The following BMPR2 variants were observed in gnomAD, a reference collection of about 807,000 sequenced individuals.
BMPR2 encodes bone morphogenetic protein receptor type-2.
Under a neutral mutation model 100.8 loss-of-function variants are expected in BMPR2, and 29 were observed. That is an observed-to-expected ratio of 0.29 (90% CI 0.21 to 0.39). BMPR2 has a LOEUF of 0.39. Among genes scored for constraint, BMPR2 ranks in the 10% least tolerant of loss-of-function variants. The probability of loss-of-function intolerance (pLI) is 1.00; values close to 1 mark genes in which losing one functional copy is unlikely to be tolerated. For missense variants in BMPR2, 1,011 were observed against 1,274.5 expected, an observed-to-expected ratio of 0.79 and a Z score of 3.15; for synonymous variants, 382 against 442.3, an observed-to-expected ratio of 0.86 and a Z score of 1.71.
intron 1 of BMPR2, among the ~76,000 whole-genome samples, chr2:202,409,866 C>T (rs554350943): frequency 7.9e-4 from 120 of 152,136 alleles, no homozygotes; most frequent in Non-Finnish European, 1.6e-3. Flanking sequence ...TAACAGTAAA[C>T]AAATTAGAAA....
chr2:202,544,754 T>C (rs889727424), intron 10 of BMPR2, among the ~76,000 whole-genome samples: 2 of 132,188 alleles, frequency 1.5e-5, no homozygotes, highest in South Asian at 4.9e-4. Context: ...CTTTTTTCTT[T>C]TTCTTTCTTT....
chr2:202,420,015 A>G (rs1335672705), intron 1 of BMPR2, among the ~76,000 whole-genome samples: 2 of 152,100 alleles, frequency 1.3e-5, no homozygotes, highest in Admixed American at 6.6e-5. Flanking sequence ...ATATTAAAAA[A>G]TTAAAAAAAT....
intron 10 of BMPR2, among the ~76,000 whole-genome samples, chr2:202,550,424 C>A (rs1688456599): frequency 6.6e-6 from 1 of 151,726 alleles, no homozygotes; most frequent in Non-Finnish European, 1.5e-5. Flanking sequence ...TGCTATGTTG[C>A]CCAGGCTTGT....
chr2:202,410,004 T>G (rs961581601), intron 1 of BMPR2, among the ~76,000 whole-genome samples: 13 of 151,952 alleles, frequency 8.6e-5, no homozygotes, highest in Non-Finnish European at 1.5e-4. Context: ...TCTTTTTTTT[T>G]GACAGTGTCT....
At position 202,519,978 on chromosome 2, in the gene BMPR2, T is replaced by C. The variant is rs553227953; in HGVS notation, c.853-109T>C. On this transcript the variant is annotated intron_variant, in intron 6 of 12. Transcript: ENST00000374580. ...AATGTAGTAGTTCATTAGATCTTCA[T>C]GGAATCCTAGCCTATTTGCAAATTC... The C allele has an allele frequency of 4.7e-5, 33 of 709,228 alleles. No individual in the cohort carries two copies. The Admixed American group carries it at 5.5e-4, about 12-fold the overall frequency. The allele number at this position is 709,228 out of a possible 1,614,324, so 43.9% of individuals were successfully genotyped here. A position where few individuals can be genotyped will look rare whatever the true frequency, so the allele number is the denominator to read the frequency against.
intron 3 of BMPR2, among the ~76,000 whole-genome samples, chr2:202,484,120 G>A (rs1380007852): frequency 2.0e-5 from 3 of 152,148 alleles, no homozygotes; most frequent in Admixed American, 2.0e-4. Flanking sequence ...TTTGAAGTAA[G>A]ATTTCTATAC....
intron 1 of BMPR2, among the ~76,000 whole-genome samples, chr2:202,390,872 T>A (rs1360423454): frequency 6.6e-6 from 1 of 152,080 alleles, no homozygotes; most frequent in Non-Finnish European, 1.5e-5. Context: ...TAAATGACTT[T>A]ATGCAATTAC....
chr2:202,411,301 G>A (rs553425312), intron 1 of BMPR2, among the ~76,000 whole-genome samples: 75 of 152,248 alleles, frequency 4.9e-4, no homozygotes, highest in African/African-American at 1.5e-3. Context: ...GCTTTTATTA[G>A]CAATTCATGA....
chr2:202,530,651 G>C, intron 7 of BMPR2, 143 bp from the exon 8 acceptor site: 1 of 658,828 alleles, frequency 1.5e-6, no homozygotes, highest in Non-Finnish European at 2.5e-6. Flanking sequence ...TGATGAGTGT[G>C]AGTTGAAATT....
chr2:202,549,809 A>T (rs962023451), intron 10 of BMPR2, among the ~76,000 whole-genome samples: 1 of 151,986 alleles, frequency 6.6e-6, no homozygotes, highest in African/African-American at 2.4e-5. Flanking sequence ...TGGTTGTGCC[A>T]TTTTACATTC....
chr2:202,469,134 G>A (rs1320196614), intron 3 of BMPR2, among the ~76,000 whole-genome samples: 2 of 152,136 alleles, frequency 1.3e-5, no homozygotes, highest in African/African-American at 4.8e-5. Flanking sequence ...AGGTTCAAGC[G>A]ATTCTCCTGC....
rs2105891849 is a variant in BMPR2, at chr2:202,377,127, C to T, written c.-348C>T. 5 of 585,658 alleles carry T rather than the reference C, an allele frequency of 8.5e-6. No individual in the cohort carries two copies. The highest frequency in any genetic ancestry group is 2.8e-5 in the East Asian group (1 of 35,250). 36.3% of individuals were successfully genotyped at this position (585,658 alleles called of 1,614,324 possible). On this transcript the variant is annotated 5_prime_UTR_variant, in exon 1 of 13. Coordinates refer to ENST00000374580, the MANE Select transcript of BMPR2 (RefSeq NM_001204.7). ...CACCCTGGATATGTTTTCTCCCAGA[C>T]CTGGATATTTTTTTGATATCGTGAA...
intron 1 of BMPR2, among the ~76,000 whole-genome samples, chr2:202,416,687 A>G (rs1049827847): frequency 1.3e-5 from 2 of 151,678 alleles, no homozygotes; most frequent in African/African-American, 4.8e-5. Context: ...GCCTCCCTAA[A>G]TGCTGGCATT....
At chr2:202,520,368 A>G (rs750342868) in intron 7 of BMPR2, 167 bp downstream of exon 7, 15 of 656,952 alleles carry the variant, frequency 2.3e-5, no homozygotes, top group Non-Finnish European at 3.7e-5. Context: ...TGTAACAGAA[A>G]GAGCTTTCCC....
rs190647574 is a variant in BMPR2, at chr2:202,474,475, A to C, written c.418+6786A>C. Among the ~76,000 whole-genome samples the C allele has an allele frequency of 4.3e-4, 65 of 152,186 alleles. 1 individual carries two copies. Among genetic ancestry groups the C allele is most frequent in the Admixed American group, 1.0e-3 (16 of 15,268 alleles). ...GATTCCGTCTCAAAAAAAACCAAAA[A>C]CAAAACAAAACAAAAAAGTGGGTAG... On this transcript the variant is annotated intron_variant, in intron 3 of 12. Transcript: ENST00000374580.
At chr2:202,444,081 T>C (rs1691802379) in intron 1 of BMPR2, among the ~76,000 whole-genome samples, 2 of 150,716 alleles carry the variant, frequency 1.3e-5, no homozygotes, top group Non-Finnish European at 2.9e-5. Context: ...CCCTGGGGCG[T>C]AAAACTGCAT....
At chr2:202,546,856 A>G (rs1688384547) in intron 10 of BMPR2, among the ~76,000 whole-genome samples, 1 of 151,640 alleles carries the variant, frequency 6.6e-6, no homozygotes, top group Non-Finnish European at 1.5e-5. Context: ...CCTGCCTCAG[A>G]CTCCCGGAGT....
intron 1 of BMPR2, among the ~76,000 whole-genome samples, chr2:202,413,391 T>G (rs893112407): frequency 6.6e-6 from 1 of 152,158 alleles, no homozygotes. Context: ...AGGAGTTGAG[T>G]GTCAGTGCAT....
intron 2 of BMPR2, 92 bp downstream of exon 2, chr2:202,465,071 A>C (rs1692293609): frequency 1.3e-6 from 2 of 1,494,340 alleles, no homozygotes; most frequent in South Asian, 1.1e-5. Context: ...AATCCTGTTC[A>C]GAAAAACAGT....
Sources: allele counts gnomAD v4.1 joint callset (sites outside exome capture counted in the v4.1 genomes callset), GRCh38; gene constraint gnomAD v4.1.1; transcripts MANE v1.5; gene names NCBI Gene and HGNC (gene_info 2026-07-23, HGNC 2026-07-21).